The following AK8 variants were observed in gnomAD, a reference collection of about 807,000 sequenced individuals.
AK8 encodes adenylate kinase 8.
In AK8, 44 loss-of-function variants were observed where a neutral mutation model predicts 54.6. The observed-to-expected ratio is 0.81, with a 90% CI of 0.63 to 1.04. The LOEUF is 1.04. Ranked by LOEUF, AK8 falls within the 50% of genes least tolerant of loss-of-function variation. The pLI is 0.00. For synonymous variants in AK8, 239 were observed against 245.6 expected, an observed-to-expected ratio of 0.97 and a Z score of 0.25; for missense variants, 555 against 613.6, an observed-to-expected ratio of 0.90 and a Z score of 1.01.
rs144085553 is a variant in AK8 at position 132,791,510 on chromosome 9, G to A, written c.1121+1124C>T. Reference sequence around the variant, plus strand: ...ACATGATAAAATCATTATAGTGCTCGTTTGGAATAATAAATATATAAAATA... The same window carrying A: ...ACATGATAAAATCATTATAGTGCTCATTTGGAATAATAAATATATAAAATA... On this transcript the variant is annotated intron_variant, in intron 11 of 12. Transcript: ENST00000298545. This position sits in a 1 kb window ranked among gnomAD's most constrained non-coding sequence, Gnocchi z 4.0. Among the ~76,000 whole-genome samples the A allele has an allele frequency of 2.4e-4, 36 of 152,252 alleles. No individual in the cohort carries two copies. The East Asian group carries it at 5.8e-3, about 24-fold the overall frequency.
chr9:132,745,345 G>A (rs918735186), intron 11 of AK8, among the ~76,000 whole-genome samples: 5 of 152,142 alleles, frequency 3.3e-5, no homozygotes, highest in African/African-American at 1.2e-4. Flanking sequence ...CGGATTACGC[G>A]GCTAATTGCT....
Position 132,799,145 on chromosome 9 carries a change from A to G in AK8, c.980-6370T>C, listed in dbSNP as rs1052335393. Reference sequence around the variant, plus strand: ...AGCTTGCGGTTTTCCAGCAGGCACCAGAGGCCCCTCCTGCTGCGCCACGCC... The same window carrying G: ...AGCTTGCGGTTTTCCAGCAGGCACCGGAGGCCCCTCCTGCTGCGCCACGCC... On this transcript the variant is annotated intron_variant, in intron 10 of 12. Coordinates refer to ENST00000298545, the MANE Select transcript of AK8 (RefSeq NM_152572.3). The surrounding 1 kb of genome is among the most constrained non-coding windows in gnomAD (Gnocchi z 5.0). Among the ~76,000 whole-genome samples the G allele has an allele frequency of 2.6e-5, 4 of 152,170 alleles. No homozygotes were observed. The highest frequency in any genetic ancestry group is 5.9e-5 in the Non-Finnish European group (4 of 68,020).
intron 10 of AK8, among the ~76,000 whole-genome samples, chr9:132,804,280 G>A (rs1840612750): frequency 6.6e-6 from 1 of 152,150 alleles, no homozygotes; most frequent in Non-Finnish European, 1.5e-5. Flanking sequence ...CACTAAACTA[G>A]CTGAGCTCCT....
At chr9:132,769,000 G>A (rs1391317181) in intron 11 of AK8, 1 of 150,496 alleles carries the variant, frequency 6.6e-6, no homozygotes, top group Non-Finnish European at 1.5e-5. Flanking sequence ...TAGAGTGAGT[G>A]CAATACAGTT....
chr9:132,771,942 T>C (rs889001995), intron 11 of AK8, among the ~76,000 whole-genome samples: 6 of 152,150 alleles, frequency 3.9e-5, no homozygotes, highest in African/African-American at 1.4e-4. Flanking sequence ...TCACATCTTA[T>C]ATGGATGGCA....
chr9:132,864,363 G>A (rs957902319), intron 3 of AK8, among the ~76,000 whole-genome samples: 2 of 152,182 alleles, frequency 1.3e-5, no homozygotes, highest in Non-Finnish European at 2.9e-5. Flanking sequence ...TGGGGCTGGT[G>A]TGAACCTTCG....
intron 11 of AK8, among the ~76,000 whole-genome samples, chr9:132,749,050 T>A (rs570125129): frequency 3.3e-5 from 5 of 151,852 alleles, no homozygotes; most frequent in Non-Finnish European, 7.4e-5. Context: ...AATTTTTGTA[T>A]TTTTAGTAGA....
chr9:132,865,600 G>A (rs763747296), intron 3 of AK8, among the ~76,000 whole-genome samples: 8 of 151,570 alleles, frequency 5.3e-5, no homozygotes, highest in Non-Finnish European at 1.0e-4. Flanking sequence ...GGATCATGAG[G>A]TCAAGAGATC....
chr9:132,725,621 G>A lies in AK8; in HGVS notation c.*67C>T, dbSNP rs1398137425. 2.3e-5 allele frequency: 32 copies of A among 1,406,390 alleles called. No individual in the cohort carries two copies. The highest frequency in any genetic ancestry group is 2.1e-4 in the Middle Eastern group (1 of 4,870). 87.1% of individuals were successfully genotyped at this position (1,406,390 alleles called of 1,614,324 possible). A position where few individuals can be genotyped will look rare whatever the true frequency, so the allele number is the denominator to read the frequency against. On this transcript the variant is annotated 3_prime_UTR_variant, in exon 13 of 13. Coordinates refer to ENST00000298545, the MANE Select transcript of AK8 (RefSeq NM_152572.3). Reference sequence around the variant, plus strand: ...ATTGGCTTTTTAGGGGAGCTGTGCCGAGGCTGGGGGGCTGGGGGCAGGGGA... The same window carrying A: ...ATTGGCTTTTTAGGGGAGCTGTGCCAAGGCTGGGGGGCTGGGGGCAGGGGA...
In AK8 at chr9:132,799,190, G is replaced by A. The variant is rs1038450667; in HGVS notation, c.980-6415C>T. ...CACGCCGCCGCCTGCTGTCCGCACCGCAGAGCCAGCCCTGCAGGGACCTTG... is the reference window on the plus strand; with the variant it reads ...CACGCCGCCGCCTGCTGTCCGCACCACAGAGCCAGCCCTGCAGGGACCTTG... On this transcript the variant is annotated intron_variant, in intron 10 of 12. Coordinates refer to ENST00000298545, the MANE Select transcript of AK8 (RefSeq NM_152572.3). This position sits in a 1 kb window ranked among gnomAD's most constrained non-coding sequence, Gnocchi z 5.0. Among the ~76,000 whole-genome samples, 3 of 152,148 alleles carry A rather than the reference G, an allele frequency of 2.0e-5. No homozygotes were observed. Among genetic ancestry groups the A allele is most frequent in the East Asian group, 1.9e-4 (1 of 5,194 alleles).
At chr9:132,772,457 C>T (rs570290317) in intron 11 of AK8, among the ~76,000 whole-genome samples, 12 of 152,308 alleles carry the variant, frequency 7.9e-5, no homozygotes, top group East Asian at 1.9e-4. Context: ...AATGTGGACA[C>T]GCAGAGAGGC....
intron 10 of AK8, among the ~76,000 whole-genome samples, chr9:132,797,826 C>T (rs1398428601): frequency 6.6e-6 from 1 of 152,216 alleles, no homozygotes; most frequent in Admixed American, 6.5e-5. Context: ...GGGCGGCTCT[C>T]CCTTTTGGGG....
chr9:132,829,790 G>A (rs1051695173), intron 5 of AK8, among the ~76,000 whole-genome samples: 2 of 151,950 alleles, frequency 1.3e-5, no homozygotes, highest in Admixed American at 6.6e-5. Context: ...TCCTGGGCTC[G>A]AGCAATCCTC....
At chr9:132,780,473 A>G (rs1839417202) in intron 11 of AK8, among the ~76,000 whole-genome samples, 1 of 152,212 alleles carries the variant, frequency 6.6e-6, no homozygotes, top group South Asian at 2.1e-4. Flanking sequence ...AACAACAACA[A>G]CTACAAACCC....
chr9:132,865,745 G>A (rs1379291021), intron 3 of AK8, among the ~76,000 whole-genome samples: 14 of 150,202 alleles, frequency 9.3e-5, no homozygotes, highest in Non-Finnish European at 1.9e-4. Flanking sequence ...CCCAGGAGGC[G>A]GAGGTCGCAG....
intron 4 of AK8, among the ~76,000 whole-genome samples, chr9:132,862,223 C>T (rs557117529): frequency 8.6e-4 from 131 of 152,206 alleles, no homozygotes; most frequent in Middle Eastern, 3.4e-3. Flanking sequence ...ACTGACTTGC[C>T]GTGGGGGTGG....
At chr9:132,752,069 T>C (rs1488892923) in intron 11 of AK8, among the ~76,000 whole-genome samples, 1 of 151,972 alleles carries the variant, frequency 6.6e-6, no homozygotes, top group Non-Finnish European at 1.5e-5. Flanking sequence ...CTCGAACTCC[T>C]GACCTCAAAT....
At chr9:132,736,602 A>G (rs62576221) in intron 11 of AK8, among the ~76,000 whole-genome samples, 39,030 of 150,684 alleles carry the variant, frequency 0.26, 5,812 homozygotes, top group East Asian at 0.47. Context: ...TCGAGACCAC[A>G]GTGAAACCCC....
intron 11 of AK8, among the ~76,000 whole-genome samples, chr9:132,763,124 CAG>C (rs1176867949): frequency 2.0e-5 from 3 of 152,228 alleles, no homozygotes; most frequent in African/African-American, 7.2e-5. Context: ...GGAGGTGACA[CAG>C]TACCCTGCCA....
Sources: allele counts gnomAD v4.1 joint callset (sites outside exome capture counted in the v4.1 genomes callset), GRCh38; gene constraint gnomAD v4.1.1; non-coding constraint Gnocchi (gnomAD v3.1); transcripts MANE v1.5; gene names NCBI Gene and HGNC (gene_info 2026-07-23, HGNC 2026-07-21).